The following ADAMTS12 variants were observed in gnomAD, a reference collection of about 807,000 sequenced individuals.
ADAMTS12 encodes A disintegrin and metalloproteinase with thrombospondin motifs 12.
Under a neutral mutation model 167.8 loss-of-function variants are expected in ADAMTS12, and 118 were observed. That is an observed-to-expected ratio of 0.70 (90% CI 0.61 to 0.82). The LOEUF (loss-of-function observed/expected upper bound fraction) is 0.82, where lower values mean the gene tolerates loss of function less well. ADAMTS12 is among the 40% of genes least tolerant of loss of function. ADAMTS12 has a pLI of 0.00. For missense variants in ADAMTS12, 1,916 were observed against 1,998.8 expected, an observed-to-expected ratio of 0.96 and a Z score of 0.79; for synonymous variants, 704 against 716.9, an observed-to-expected ratio of 0.98 and a Z score of 0.29.
chr5:33,654,598 C>T (rs1740977585), intron 7 of ADAMTS12, among the ~76,000 whole-genome samples: 1 of 152,158 alleles, frequency 6.6e-6, no homozygotes, highest in Non-Finnish European at 1.5e-5. Context: ...TAGGGGAGCC[C>T]TCATTACTGG....
At chr5:33,650,734 T>A (rs1740839156) in intron 7 of ADAMTS12, among the ~76,000 whole-genome samples, 1 of 152,186 alleles carries the variant, frequency 6.6e-6, no homozygotes, top group Non-Finnish European at 1.5e-5. Flanking sequence ...GAAGCCTTTG[T>A]TTATAAGCCA....
intron 7 of ADAMTS12, among the ~76,000 whole-genome samples, chr5:33,653,010 T>C (rs1267777178): frequency 3.1e-4 from 47 of 152,176 alleles, no homozygotes; most frequent in Non-Finnish European, 4.4e-5. Context: ...GTATGCTTTT[T>C]ATTTCCTTTC....
intron 11 of ADAMTS12, among the ~76,000 whole-genome samples, chr5:33,639,550 T>A (rs1380137456): frequency 6.6e-6 from 1 of 152,162 alleles, no homozygotes; most frequent in Non-Finnish European, 1.5e-5. Flanking sequence ...GCAGAAGGCA[T>A]GTCGAGCGAG....
intron 23 of ADAMTS12, among the ~76,000 whole-genome samples, chr5:33,534,554 G>A (rs1212798325): frequency 6.6e-6 from 1 of 152,046 alleles, no homozygotes; most frequent in Non-Finnish European, 1.5e-5. Context: ...CATGTTGGAT[G>A]ACATCAGTGT....
Position 33,576,152 on chromosome 5 carries a change from T to G in ADAMTS12, c.3874A>C (p.Ser1292Arg). 2 of 1,614,216 alleles carry G rather than the reference T, an allele frequency of 1.2e-6. No individual in the cohort carries two copies. Among genetic ancestry groups the G allele is most frequent in the Non-Finnish European group, 8.5e-7 (1 of 1,180,042 alleles). The change falls in exon 19 of 24, where the codon AGT becomes CGT. Residue 1292 changes from serine to arginine, a missense_variant. By Grantham distance (110) the Ser-to-Arg change is moderately radical. Transcript: ENST00000504830. ...EPVLTEEDAT[S>R]LITEGFLLNA... ...AGCAAAAAGCCCTCAGTAATCAGAC[T>G]TGTTGCATCCTCCTCAGTCAGGACT...
chr5:33,569,426 A>G (rs1260609528), intron 19 of ADAMTS12, among the ~76,000 whole-genome samples: 1 of 152,216 alleles, frequency 6.6e-6, no homozygotes, highest in Non-Finnish European at 1.5e-5. Context: ...AGACAGCAGC[A>G]TTCGTGGATC....
At chr5:33,549,722 G>T (rs1350535590) in intron 20 of ADAMTS12, among the ~76,000 whole-genome samples, 1 of 152,246 alleles carries the variant, frequency 6.6e-6, no homozygotes, top group Non-Finnish European at 1.5e-5. Context: ...GGGCTGGAGT[G>T]CCTGCTGGCA....
At chr5:33,605,074 G>T (rs1226833412) in intron 16 of ADAMTS12, among the ~76,000 whole-genome samples, 1 of 152,176 alleles carries the variant, frequency 6.6e-6, no homozygotes, top group Non-Finnish European at 1.5e-5. Flanking sequence ...CCTGTTTCTT[G>T]TTATATGTTC....
chr5:33,838,063 C>T (rs1748603117), intron 2 of ADAMTS12, among the ~76,000 whole-genome samples: 1 of 152,016 alleles, frequency 6.6e-6, no homozygotes, highest in South Asian at 2.1e-4. Context: ...TTAATTACTC[C>T]CCACAACATC....
chr5:33,881,744 T>G (rs929285250), intron 1 of ADAMTS12, among the ~76,000 whole-genome samples: 5 of 150,932 alleles, frequency 3.3e-5, no homozygotes, highest in East Asian at 1.9e-4. Flanking sequence ...GTTTTTTTTT[T>G]TTTTTTTTTA....
In ADAMTS12 at chr5:33,881,154, C is replaced by T. The variant is rs777260765; in HGVS notation, c.454G>A (p.Val152Ile). ...SGTVLQQGTR[V>I]GTAALSACHG... Reference sequence around the variant, plus strand: ...CAGGCACTGAGGGCTGCCGTCCCAACTCTGGTGCCCTGCTGTAGAACCGTG... The same window carrying T: ...CAGGCACTGAGGGCTGCCGTCCCAATTCTGGTGCCCTGCTGTAGAACCGTG... The change falls in exon 2 of 24, where the codon GTT becomes ATT. Residue 152 changes from valine (V) to isoleucine (I), a missense_variant. Transcript: ENST00000504830. 4.0e-5 allele frequency: 65 copies of T among 1,613,966 alleles called. No individual in the cohort carries two copies. The highest frequency in any genetic ancestry group is 5.2e-5 in the Non-Finnish European group (61 of 1,180,030).
chr5:33,850,668 C>G (rs1749189708), intron 2 of ADAMTS12, among the ~76,000 whole-genome samples: 1 of 152,138 alleles, frequency 6.6e-6, no homozygotes, highest in South Asian at 2.1e-4. Flanking sequence ...ATGACCTGGG[C>G]TAGGATATTA....
At chr5:33,800,774 G>A (rs1264539132) in intron 2 of ADAMTS12, among the ~76,000 whole-genome samples, 4 of 152,150 alleles carry the variant, frequency 2.6e-5, no homozygotes, top group Admixed American at 1.3e-4. Context: ...TGCTTGTAAG[G>A]ACCATTTGCT....
intron 16 of ADAMTS12, among the ~76,000 whole-genome samples, chr5:33,613,089 C>T (rs1475030240): frequency 1.3e-5 from 2 of 152,092 alleles, no homozygotes; most frequent in African/African-American, 4.8e-5. Context: ...GAGAGTAGGC[C>T]ATGGTCTTCT....
intron 2 of ADAMTS12, among the ~76,000 whole-genome samples, chr5:33,827,491 C>T (rs573096730): frequency 2.4e-3 from 358 of 152,092 alleles, no homozygotes; most frequent in African/African-American, 8.3e-3. Flanking sequence ...TTCTGGCCTA[C>T]GGAATTGTAA....
intron 3 of ADAMTS12, among the ~76,000 whole-genome samples, chr5:33,709,902 G>T (rs1295931270): frequency 6.6e-6 from 1 of 152,012 alleles, no homozygotes; most frequent in Non-Finnish European, 1.5e-5. Flanking sequence ...AATCTACCAT[G>T]AAAATAACAT....
intron 17 of ADAMTS12, among the ~76,000 whole-genome samples, chr5:33,592,093 G>C (rs1264196704): frequency 1.3e-5 from 2 of 152,100 alleles, no homozygotes; most frequent in African/African-American, 4.8e-5. Flanking sequence ...GCTGGGCGTG[G>C]TGGCACATGT....
At chr5:33,884,646 C>A (rs1750574723) in intron 1 of ADAMTS12, among the ~76,000 whole-genome samples, 1 of 152,174 alleles carries the variant, frequency 6.6e-6, no homozygotes, top group African/African-American at 2.4e-5. Flanking sequence ...GGCCTTTAAG[C>A]CTCTCCTCAC....
At chr5:33,642,057 C>T (rs1481425829) in intron 10 of ADAMTS12, 102 bp from the exon 11 acceptor site, 10 of 1,235,596 alleles carry the variant, frequency 8.1e-6, no homozygotes, top group East Asian at 5.1e-5. Flanking sequence ...GCAAGCAAGC[C>T]GGCTTTCTAC....
Sources: gnomAD v4.1 joint callset for allele counts (sites outside exome capture counted in the v4.1 genomes callset) on GRCh38, gnomAD v4.1.1 for gene constraint, MANE v1.5 for transcripts, NCBI Gene and HGNC (gene_info 2026-07-23, HGNC 2026-07-21) for gene names.